Variants in UNC45A observed in about 807,000 individuals in gnomAD.
UNC45A encodes the protein protein unc-45 homolog A.
Under a neutral mutation model 103.2 loss-of-function variants are expected in UNC45A, and 78 were observed. The ratio of observed to expected loss-of-function variants is 0.76; its 90% confidence interval spans 0.63 to 0.91. The LOEUF is 0.91. UNC45A is among the 40% of genes least tolerant of loss of function. UNC45A has a pLI of 0.00. For missense variants in UNC45A, 1,193 were observed against 1,224.8 expected (o/e 0.97, Z 0.39); for synonymous variants, 495 against 504.6 (o/e 0.98, Z 0.25).
upstream of UNC45A, chr15:90,930,761 A>G (rs8026356): frequency 1.8e-3 from 301 of 167,488 alleles, 2 homozygotes; most frequent in African/African-American, 6.8e-3. Flanking sequence ...TAACCTGATA[A>G]TTACACAACC....
chr15:90,950,197 CA>C lies in UNC45A; in HGVS notation c.2120del (p.Lys707ArgfsTer17), dbSNP rs1391543376. 6 of 1,551,612 alleles carry C rather than the reference CA, an allele frequency of 3.9e-6. No homozygotes were observed. Among genetic ancestry groups the C allele is most frequent in the Non-Finnish European group, 5.2e-6 (6 of 1,147,018 alleles). On this transcript the variant is annotated frameshift_variant, in exon 16 of 20. Coordinates refer to ENST00000418476, the MANE Select transcript of UNC45A (RefSeq NM_018671.5). LOFTEE classifies it high-confidence loss of function. ...CTGGAAGGCACGGACGTGGGGCAGACAAAGGCAGCCCAGGCCCTTGCCAAGC... is the reference window on the plus strand; with the variant it reads ...CTGGAAGGCACGGACGTGGGGCAGACAAGGCAGCCCAGGCCCTTGCCAAGC... ...LALEGTDVGQ[T>X]KAAQALAKLT... is the part of the protein sequence containing the mutation.
At position 90,947,858 on chromosome 15, in the gene UNC45A, C is replaced by G. The variant is rs758649346; in HGVS notation, c.1563C>G (p.Gly521=). The change falls in exon 11 of 20, where the codon GGC becomes GGG. Residue 521 remains glycine (G), a synonymous_variant. Transcript: ENST00000418476. The part of the protein sequence containing the change: ...TDFSMKQFAE[G]STLKLAKQCR... ...TCAGCATGAAGCAGTTTGCTGAAGGCTCCACTCTCAAACTGGCTAAGCAGT... is the reference window on the plus strand; with the variant it reads ...TCAGCATGAAGCAGTTTGCTGAAGGGTCCACTCTCAAACTGGCTAAGCAGT... 1 of 1,614,066 alleles carries G rather than the reference C, an allele frequency of 6.2e-7. No individual in the cohort carries two copies. Among genetic ancestry groups the G allele is most frequent in the African/African-American group, 1.3e-5 (1 of 75,054 alleles).
chr15:90,931,227 G>A (rs1026484275), upstream of UNC45A: 6 of 1,545,106 alleles, frequency 3.9e-6, no homozygotes, highest in East Asian at 7.3e-5. Flanking sequence ...AATCCTGTCC[G>A]GCCTGAACGA....
intron 10 of UNC45A, 158 bp downstream of exon 10, chr15:90,947,072 C>A: frequency 1.2e-6 from 1 of 821,632 alleles, no homozygotes; most frequent in Non-Finnish European, 1.9e-6. Flanking sequence ...GCCTATAGGT[C>A]CAGCTACTTG....
chr15:90,949,623 C>G (rs376013367), intron 14 of UNC45A, 31 bp from the exon 15 acceptor site: 1 of 1,613,134 alleles, frequency 6.2e-7, no homozygotes, highest in African/African-American at 1.3e-5. Context: ...AGTCCCAGAG[C>G]TGCCTGCCCA....
upstream of UNC45A, chr15:90,931,532 C>A (rs567753381): frequency 1.9e-4 from 306 of 1,614,148 alleles, 1 homozygote; most frequent in South Asian, 3.2e-3. Flanking sequence ...GAAAACTTCC[C>A]CTTGGCCCAG....
At chr15:90,931,999 T>C (rs996629730), upstream of UNC45A, 5 of 1,613,826 alleles carry the variant, frequency 3.1e-6, no homozygotes, top group African/African-American at 5.3e-5. Flanking sequence ...TGCCCATTGC[T>C]GAATGGGGCC....
Position 90,935,525 on chromosome 15 carries a change from G to T in UNC45A, c.52-19G>T, listed in dbSNP as rs375793113. 3.8e-6 allele frequency: 6 copies of T among 1,576,432 alleles called. No homozygotes were observed. The highest frequency in any genetic ancestry group is 5.2e-6 in the Non-Finnish European group (6 of 1,159,184). ...GCCCCGAACCCCCTCCGACGTTTCC[G>T]CCCCCTTTCTCTCTACAGGCCAGCT... On this transcript the variant is annotated intron_variant, in intron 1 of 19. Transcript: ENST00000418476.
chr15:90,931,530 C>T, upstream of UNC45A: 1 of 1,614,186 alleles, frequency 6.2e-7, no homozygotes, highest in Non-Finnish European at 8.5e-7. Flanking sequence ...CTGAAAACTT[C>T]CCCTTGGCCC....
intron 17 of UNC45A, 197 bp from the exon 18 acceptor site, chr15:90,952,732 C>A: frequency 1.7e-6 from 1 of 587,404 alleles, no homozygotes; most frequent in Non-Finnish European, 3.0e-6. Flanking sequence ...GCCGAGATGC[C>A]ACGCACTTTT....
At chr15:90,948,362 G>A in intron 12 of UNC45A, 79 bp downstream of exon 12, 3 of 1,578,744 alleles carry the variant, frequency 1.9e-6, no homozygotes, top group Non-Finnish European at 2.6e-6. Context: ...GCAGGGCTTG[G>A]CCAATGGGGT....
At position 90,953,952 on chromosome 15, in the gene UNC45A, T is replaced by C. The variant is rs1567165382; in HGVS notation, c.*236T>C. On this transcript the variant is annotated 3_prime_UTR_variant, in exon 20 of 20. Coordinates refer to ENST00000418476, the MANE Select transcript of UNC45A (RefSeq NM_018671.5). The stretch of plus-strand genomic sequence containing the variant: ...GAGGGGCCCTTTTTCTGTACTACTG[T>C]AGTCAGCTGGGAATGGGGAAGGTGC... 1.7e-6 allele frequency: 1 copy of C among 580,260 alleles called. No individual in the cohort carries two copies. The allele number at this position is 580,260 out of a possible 1,614,324, so 35.9% of individuals were successfully genotyped here. A position where few individuals can be genotyped will look rare whatever the true frequency, so the allele number is the denominator to read the frequency against.
At chr15:90,944,197 C>T (rs934880148) in intron 8 of UNC45A, among the ~76,000 whole-genome samples, 4 of 151,682 alleles carry the variant, frequency 2.6e-5, no homozygotes, top group South Asian at 2.1e-4. Context: ...CCAGCCTGGC[C>T]GACATGGTGA....
intron 10 of UNC45A, 28 bp downstream of exon 10, chr15:90,946,942 G>GGCGGGGGGGGGGGGGC: frequency 4.9e-6 from 4 of 817,442 alleles, no homozygotes; most frequent in Non-Finnish European, 8.0e-6. Flanking sequence ...GGGTGGGTGG[G>GGCGGGGGGGGGGGGGC]CAGGCAGCCA....
At chr15:90,947,216 G>A (rs950694739) in intron 10 of UNC45A, 1 of 373,642 alleles carries the variant, frequency 2.7e-6, no homozygotes, top group Non-Finnish European at 5.0e-6. Context: ...CGAGATTCTG[G>A]GCTTTCTTGT....
At chr15:90,931,791 C>G, upstream of UNC45A, 1 of 1,614,150 alleles carries the variant, frequency 6.2e-7, no homozygotes, top group Non-Finnish European at 8.5e-7. Context: ...CTGTGGGGCG[C>G]TTGCTCCACC....
rs1353334311 is a variant in UNC45A, at chr15:90,950,157, C to A, written c.2077C>A (p.Leu693Met). 1.3e-6 allele frequency: 2 copies of A among 1,551,362 alleles called. No homozygotes were observed. The highest frequency in any genetic ancestry group is 8.7e-7 in the Non-Finnish European group (1 of 1,146,992). ...TVVAQGGGRALIPLALEGTDV... is the reference protein window; with the variant it reads ...TVVAQGGGRAMIPLALEGTDV... ...AGTGACGGGCTTGTTCCTACAGGCG[C>A]TGATCCCGCTGGCCCTGGAAGGCAC... Residue 693 changes from leucine to methionine, a missense_variant, in exon 16 of 20, where the codon CTG becomes ATG. Transcript: ENST00000418476.
rs143290125 is a variant in UNC45A, at chr15:90,952,994, T to C, written c.2369T>C (p.Met790Thr). 60 of 1,613,634 alleles carry C rather than the reference T, an allele frequency of 3.7e-5. No homozygotes were observed. In the African/African-American group the frequency reaches 7.1e-4, roughly 19 times the overall value. ...GGCTACATGTTTGAGGAGCATGAGA[T>C]GATCCGCCGGGCAGCCACGGAGTGC... ...IEGYMFEEHE[M>T]IRRAATECMC... Residue 790 changes from methionine (M) to threonine (T), a missense_variant, in exon 18 of 20, where the codon ATG (methionine) becomes ACG (threonine). By Grantham distance (81) the Met-to-Thr change is moderately conservative. Coordinates refer to ENST00000418476, the MANE Select transcript of UNC45A (RefSeq NM_018671.5).
In UNC45A at chr15:90,950,286, C is replaced by T. The variant is rs965177245; in HGVS notation, c.2187+19C>T. On this transcript the variant is annotated intron_variant, in intron 16 of 19. Transcript: ENST00000418476. ...CGAGCGGGTACGTGTCTTCCTGCCC[C>T]GGCCTTTCCACTCCCTCTGTCCCTG... 24 of 1,550,926 alleles carry T rather than the reference C, an allele frequency of 1.5e-5. No homozygotes were observed. Among genetic ancestry groups the T allele is most frequent in the Admixed American group, 1.2e-4 (6 of 50,980 alleles).
Sources: allele counts gnomAD v4.1 joint callset (sites outside exome capture counted in the v4.1 genomes callset), GRCh38; gene constraint gnomAD v4.1.1; transcripts MANE v1.5; gene names NCBI Gene and HGNC (gene_info 2026-07-23, HGNC 2026-07-21).